LOC400499: variants seen among roughly 807,000 people sequenced by gnomAD.
At chr16:11,459,024 G>A in the LOC400499 span, among the ~76,000 whole-genome samples, 50 of 151,292 alleles carry the variant, frequency 3.3e-4, no homozygotes, top group African/African-American at 7.3e-4. Flanking sequence ...GCGACAGAGC[G>A]AGACTCCATC....
chr16:11,412,994 G>C, the LOC400499 span: 139 of 399,170 alleles, frequency 3.5e-4, no homozygotes, highest in African/African-American at 2.5e-3. Context: ...GGTGTACATA[G>C]CCTGAGGAGC....
At chr16:11,446,791 G>T in the LOC400499 span, 1 of 1,536,130 alleles carries the variant, frequency 6.5e-7, no homozygotes, top group East Asian at 2.4e-5. Flanking sequence ...GGTCTGCAGG[G>T]TTTCCTCTCG....
At chr16:11,517,259 C>G in the LOC400499 span, among the ~76,000 whole-genome samples, 1 of 152,188 alleles carries the variant, frequency 6.6e-6, no homozygotes, top group Admixed American at 6.5e-5. Flanking sequence ...TCCCTCCTCC[C>G]CTTTCCCCTG....
chr16:11,513,689 C>T, the LOC400499 span, among the ~76,000 whole-genome samples: 2 of 152,172 alleles, frequency 1.3e-5, no homozygotes, highest in African/African-American at 4.8e-5. Context: ...CCTCGGCCTC[C>T]CAAACCGCTG....
chr16:11,409,128 G>A, the LOC400499 span, among the ~76,000 whole-genome samples: 1 of 151,974 alleles, frequency 6.6e-6, no homozygotes, highest in Non-Finnish European at 1.5e-5. Flanking sequence ...AGGCATGGTA[G>A]TGCATGCCTG....
At chr16:11,461,310 C>T in the LOC400499 span, among the ~76,000 whole-genome samples, 2 of 152,332 alleles carry the variant, frequency 1.3e-5, no homozygotes, top group South Asian at 4.1e-4. Context: ...GCCTTGACCT[C>T]CCAGGCTCAA....
chr16:11,383,745 G>A, the LOC400499 span: 2 of 1,232,414 alleles, frequency 1.6e-6, no homozygotes, highest in Non-Finnish European at 2.0e-6. Context: ...TGCCACAGGG[G>A]ACCTGCACAC....
chr16:11,427,084 G>A, the LOC400499 span, among the ~76,000 whole-genome samples: 18 of 151,828 alleles, frequency 1.2e-4, no homozygotes, highest in East Asian at 9.7e-4. Context: ...TTGGCCAGGC[G>A]CAGTGGCTCA....
chr16:11,492,681 A>C, the LOC400499 span, among the ~76,000 whole-genome samples: 1 of 151,964 alleles, frequency 6.6e-6, no homozygotes, highest in Non-Finnish European at 1.5e-5. Flanking sequence ...CCTACTCAGG[A>C]GGCTGAGGCA....
the LOC400499 span, among the ~76,000 whole-genome samples, chr16:11,424,801 G>C: frequency 7.2e-5 from 11 of 152,160 alleles, no homozygotes; most frequent in African/African-American, 2.4e-4. Context: ...GGGCATCCTT[G>C]GGGTCCTGGC....
chr16:11,450,662 G>A, the LOC400499 span: 1 of 1,536,110 alleles, frequency 6.5e-7, no homozygotes, highest in Non-Finnish European at 8.7e-7. Context: ...TCCCTGTTGG[G>A]GCCCTGACTC....
At chr16:11,490,191 T>A in the LOC400499 span, among the ~76,000 whole-genome samples, 33 of 150,174 alleles carry the variant, frequency 2.2e-4, no homozygotes, top group Non-Finnish European at 3.7e-4. Flanking sequence ...AGGTCAGGAG[T>A]TCGAGACCAG....
At chr16:11,525,204 G>A in the LOC400499 span, among the ~76,000 whole-genome samples, 39 of 151,298 alleles carry the variant, frequency 2.6e-4, no homozygotes, top group Admixed American at 1.3e-3. Flanking sequence ...TGCTTGAGCC[G>A]ACAGGTGGAG....
the LOC400499 span, chr16:11,487,504 C>A: frequency 4.8e-4 from 187 of 390,756 alleles, 1 homozygote; most frequent in Middle Eastern, 6.3e-4. Flanking sequence ...TCCCACCCCT[C>A]CCTGGCCAGG....
At chr16:11,452,261 T>C in the LOC400499 span, among the ~76,000 whole-genome samples, 15 of 150,200 alleles carry the variant, frequency 1.0e-4, no homozygotes, top group East Asian at 2.4e-3. Flanking sequence ...TCTCATTACA[T>C]TGGGCTGGGC....
the LOC400499 span, among the ~76,000 whole-genome samples, chr16:11,504,966 G>C: frequency 6.6e-6 from 1 of 152,044 alleles, no homozygotes; most frequent in Non-Finnish European, 1.5e-5. Flanking sequence ...TAGTTACTTA[G>C]TAAGGAGCTT....
chr16:11,473,158 G>C, the LOC400499 span: 2 of 146,044 alleles, frequency 1.4e-5, no homozygotes, highest in Non-Finnish European at 3.0e-5. Flanking sequence ...AAATGTACTT[G>C]TTGCAGGAAA....
chr16:11,412,567 G>C, the LOC400499 span, among the ~76,000 whole-genome samples: 2 of 152,256 alleles, frequency 1.3e-5, no homozygotes, highest in African/African-American at 4.8e-5. Flanking sequence ...CCAGGCCTAA[G>C]GGCAGTAATA....
At chr16:11,462,137 C>G in the LOC400499 span, 2 of 1,516,728 alleles carry the variant, frequency 1.3e-6, no homozygotes, top group African/African-American at 2.8e-5. Context: ...GGCCTGGTCA[C>G]TCAGCAGATG....
Sources: gnomAD v4.1 joint callset for allele counts (sites outside exome capture counted in the v4.1 genomes callset) on GRCh38, gnomAD v4.1.1 for gene constraint, MANE v1.5 for transcripts.